SORCS1: variants seen among roughly 807,000 people sequenced by gnomAD.
SORCS1 encodes the protein VPS10 domain-containing receptor SorCS1.
Under a neutral mutation model 146.1 loss-of-function variants are expected in SORCS1, and 60 were observed. That is an observed-to-expected ratio of 0.41 (90% CI 0.33 to 0.51). The LOEUF (loss-of-function observed/expected upper bound fraction) is 0.51. SORCS1 is among the 20% of genes least tolerant of loss of function. SORCS1 has a pLI of 0.21. For missense variants in SORCS1, 1,352 were observed against 1,487.6 expected (o/e 0.91, Z 1.50); for synonymous variants, 637 against 584.0 (o/e 1.09, Z -1.31).
At chr10:106,750,756 A>G (rs12785196) in intron 5 of SORCS1, among the ~76,000 whole-genome samples, 7 of 127,394 alleles carry the variant, frequency 5.5e-5, no homozygotes, top group South Asian at 2.6e-4. Context: ...AAAAAAAAAA[A>G]AAAAAGAAAA....
intron 2 of SORCS1, among the ~76,000 whole-genome samples, chr10:106,936,599 T>C (rs181995171): frequency 7.2e-5 from 11 of 152,314 alleles, no homozygotes; most frequent in Admixed American, 2.0e-4. Flanking sequence ...GAGATAAATA[T>C]GTGAGGGAAT....
At chr10:106,941,098 C>T (rs1954020359) in intron 2 of SORCS1, among the ~76,000 whole-genome samples, 1 of 152,092 alleles carries the variant, frequency 6.6e-6, no homozygotes, top group Non-Finnish European at 1.5e-5. Flanking sequence ...AACGATAGTA[C>T]CAATCTCATA....
chr10:107,051,067 C>A (rs1960062762), intron 1 of SORCS1, among the ~76,000 whole-genome samples: 1 of 152,036 alleles, frequency 6.6e-6, no homozygotes, highest in South Asian at 2.1e-4. Flanking sequence ...TGAACACCTA[C>A]AATGGATCAG....
intron 1 of SORCS1, among the ~76,000 whole-genome samples, chr10:107,006,374 C>T (rs1258383727): frequency 6.6e-6 from 1 of 151,998 alleles, no homozygotes; most frequent in Non-Finnish European, 1.5e-5. Flanking sequence ...ATCAGAGCAA[C>T]AAGAGAATAA....
intron 1 of SORCS1, among the ~76,000 whole-genome samples, chr10:107,043,398 T>C (rs1959187357): frequency 6.6e-6 from 1 of 152,178 alleles, no homozygotes; most frequent in South Asian, 2.1e-4. Context: ...GTCTGAATGA[T>C]TAATGTTCTC....
chr10:106,802,320 C>T (rs1300686400), intron 3 of SORCS1, among the ~76,000 whole-genome samples: 1 of 152,082 alleles, frequency 6.6e-6, no homozygotes, highest in East Asian at 1.9e-4. Context: ...GGAAGGGCCA[C>T]TTAGCAAAAT....
chr10:106,617,957 C>T (rs1181801757), intron 21 of SORCS1, among the ~76,000 whole-genome samples, 192 bp downstream of exon 21: 2 of 152,220 alleles, frequency 1.3e-5, no homozygotes, highest in East Asian at 1.9e-4. Flanking sequence ...TTCTGGATCC[C>T]GTGACGCTGT....
chr10:106,756,653 C>T (rs982855818), intron 5 of SORCS1, among the ~76,000 whole-genome samples: 2 of 152,124 alleles, frequency 1.3e-5, no homozygotes, highest in African/African-American at 4.8e-5. Flanking sequence ...ATCTGAACTC[C>T]TTGGAGGAAA....
At chr10:106,594,319 T>A (rs1292298779) in intron 24 of SORCS1, among the ~76,000 whole-genome samples, 1 of 152,250 alleles carries the variant, frequency 6.6e-6, no homozygotes, top group Non-Finnish European at 1.5e-5. Context: ...CTTTTAAAAT[T>A]TTTTAAATTC....
intron 1 of SORCS1, among the ~76,000 whole-genome samples, chr10:107,090,831 A>T (rs1964130891): frequency 6.6e-6 from 1 of 152,218 alleles, no homozygotes; most frequent in Non-Finnish European, 1.5e-5. Context: ...AGTTATTCCC[A>T]GTGGAAGTGA....
At chr10:106,635,773 T>C (rs1350022640) in intron 18 of SORCS1, among the ~76,000 whole-genome samples, 1 of 152,208 alleles carries the variant, frequency 6.6e-6, no homozygotes, top group African/African-American at 2.4e-5. Flanking sequence ...ACTGAATTTG[T>C]TGTTATTTTT....
intron 5 of SORCS1, among the ~76,000 whole-genome samples, chr10:106,750,183 C>T (rs4918249): frequency 0.047 from 7,151 of 151,986 alleles, 262 homozygotes; most frequent in African/African-American, 0.086. Flanking sequence ...TCCCTCTTAC[C>T]CTCACTCATG....
At chr10:106,959,278 T>C (rs572636470) in intron 1 of SORCS1, among the ~76,000 whole-genome samples, 1 of 152,366 alleles carries the variant, frequency 6.6e-6, no homozygotes, top group African/African-American at 2.4e-5. Context: ...GAGTCCTTTA[T>C]GACATTTGAA....
intron 1 of SORCS1, among the ~76,000 whole-genome samples, chr10:107,017,623 C>T (rs1230456142): frequency 1.3e-5 from 2 of 152,090 alleles, no homozygotes; most frequent in African/African-American, 4.8e-5. Context: ...CAAAGCAGAC[C>T]ACAGAATAAT....
chr10:106,660,749 CAAA>C (rs200384139), intron 17 of SORCS1, among the ~76,000 whole-genome samples: 4 of 80,756 alleles, frequency 5.0e-5, no homozygotes, highest in Non-Finnish European at 5.4e-5. Flanking sequence ...GACTCCGTCT[CAAA>C]AAAAAAAAAA....
At chr10:106,799,043 C>T (rs821997) in intron 3 of SORCS1, among the ~76,000 whole-genome samples, 72,409 of 151,884 alleles carry the variant, frequency 0.48, 17,837 homozygotes, top group African/African-American at 0.61. Flanking sequence ...TATAGATCAA[C>T]GGAACAGAAC....
intron 2 of SORCS1, among the ~76,000 whole-genome samples, chr10:106,922,827 G>A (rs1265924199): frequency 6.6e-6 from 1 of 151,744 alleles, no homozygotes; most frequent in African/African-American, 2.4e-5. Context: ...TACCCTGGAA[G>A]TCCTCTGTGT....
At chr10:106,597,591 A>G in intron 23 of SORCS1, 141 bp from the exon 24 acceptor site, 1 of 619,430 alleles carries the variant, frequency 1.6e-6, no homozygotes, top group Non-Finnish European at 2.8e-6. Flanking sequence ...TATGATTTTG[A>G]TTTAATTCCA....
rs200407078 is a variant in SORCS1, at chr10:107,076,967, G to A, written c.558+87002C>T. 1.2e-4 allele frequency among the ~76,000 whole-genome samples: 19 copies of A among 152,234 alleles called. No homozygotes were observed. In the East Asian group the frequency reaches 3.3e-3, roughly 26 times the overall value. On this transcript the variant is annotated intron_variant, in intron 1 of 25. Transcript: ENST00000263054. ...ATATTGCAGTGCTCACATCTGATAT[G>A]CACACTTTACCTGTTATGCTATTTC... is the stretch of plus-strand genomic sequence containing the variant.
Sources: allele counts gnomAD v4.1 joint callset (sites outside exome capture counted in the v4.1 genomes callset), GRCh38; gene constraint gnomAD v4.1.1; transcripts MANE v1.5; gene names NCBI Gene and HGNC (gene_info 2026-07-23, HGNC 2026-07-21).